KCNAB3: variants seen among roughly 807,000 people sequenced by gnomAD.
KCNAB3 encodes voltage-gated potassium channel subunit beta-3.
A neutral mutation model predicts 67.7 loss-of-function variants in KCNAB3; 62 were observed. The ratio of observed to expected loss-of-function variants is 0.92; its 90% CI spans 0.75 to 1.13. The LOEUF (loss-of-function observed/expected upper bound fraction) is 1.13. Ranked by LOEUF, KCNAB3 falls within the 50% of genes most tolerant of loss-of-function variation. The probability of loss-of-function intolerance (pLI) is 0.00; values close to 1 mark genes in which losing one functional copy is unlikely to be tolerated. For missense variants in KCNAB3, 514 were observed against 522.9 expected (o/e 0.98, Z 0.17); for synonymous variants, 212 against 205.4 (o/e 1.03, Z -0.27).
At position 7,925,103 on chromosome 17, in the gene KCNAB3, T is replaced by C. The variant is rs1567891775; in HGVS notation, c.619A>G (p.Met207Val). 3.1e-6 allele frequency: 5 copies of C among 1,610,220 alleles called. No individual in the cohort carries two copies. Among genetic ancestry groups the C allele is most frequent in the East Asian group, 2.2e-5 (1 of 44,656 alleles). ...FANRSDPNCPMEEIVRAMTYV... is the reference protein window; with the variant it reads ...FANRSDPNCPVEEIVRAMTYV... ...TTGGGGGTGCTGCTTTTACCCTCCA[T>C]AGGACAGTTGGGGTCTGAGCGATTG... is the stretch of plus-strand genomic sequence containing the variant. Residue 207 changes from methionine (M) to valine (V), a missense_variant, in exon 8 of 14, where the codon ATG (methionine) becomes GTG (valine). By Grantham distance (21) the Met-to-Val change is conservative. Transcript: ENST00000303790.
At chr17:7,924,918 A>G (rs531253134) in intron 8 of KCNAB3, 179 bp downstream of exon 8, 139 of 602,276 alleles carry the variant, frequency 2.3e-4, no homozygotes, top group African/African-American at 2.0e-3. Context: ...TAATTTTAAA[A>G]CATTTTTTGT....
At chr17:7,927,929 C>A in intron 1 of KCNAB3, 103 bp from the exon 2 acceptor site, 1 of 1,419,800 alleles carries the variant, frequency 7.0e-7, no homozygotes, top group South Asian at 1.2e-5. Flanking sequence ...CCTCAGGTGT[C>A]TCAGTCCAAA....
intron 8 of KCNAB3, 100 bp from the exon 9 acceptor site, chr17:7,924,600 T>C: frequency 6.8e-7 from 1 of 1,472,640 alleles, no homozygotes; most frequent in Non-Finnish European, 9.0e-7. Context: ...CCCAGGCAAC[T>C]CTATGGAGTC....
Position 7,929,107 on chromosome 17 carries a change from T to C in KCNAB3, c.242+87A>G, listed in dbSNP as rs760940901. 3.9e-6 allele frequency: 6 copies of C among 1,547,172 alleles called. No homozygotes were observed. The highest frequency in any genetic ancestry group is 1.7e-4 in the Middle Eastern group (1 of 5,736). Reference sequence around the variant, plus strand: ...AGAAGGGAGACCTACTTAGTGAAGTTTGAAGGGGTCTTGGCGGCCATCTCA... The same window carrying C: ...AGAAGGGAGACCTACTTAGTGAAGTCTGAAGGGGTCTTGGCGGCCATCTCA... On this transcript the variant is annotated intron_variant, in intron 1 of 13. Coordinates refer to ENST00000303790, the MANE Select transcript of KCNAB3 (RefSeq NM_004732.4). This position sits in a 1 kb window ranked among gnomAD's most constrained non-coding sequence, Gnocchi z 5.7.
In KCNAB3 at chr17:7,924,428, G is replaced by GC. The variant is rs745672481; in HGVS notation, c.697dup (p.Ala233GlyfsTer22). ...TCACACACTCACCATGATTTCTGCAGCCCCCCATCGGGATGTCCCCCAGTA... is the reference window on the plus strand; with the variant it reads ...TCACACACTCACCATGATTTCTGCAGCCCCCCCATCGGGATGTCCCCCAGTA... On this transcript the variant is annotated frameshift_variant, in exon 9 of 14. Transcript: ENST00000303790. LOFTEE classifies it high-confidence loss of function. 40 of 1,613,888 alleles carry GC rather than the reference G, an allele frequency of 2.5e-5. No homozygotes were observed. In the East Asian group the frequency reaches 2.9e-4, roughly 12 times the overall value.
Position 7,926,058 on chromosome 17 carries a change from C to A in KCNAB3, c.449+1G>T. ...CCAGCAACCCCCCAAAACAGTCTCA[C>A]CTCCAACCTTTGCTCTTGAGGATGT... On this transcript the variant is annotated splice_donor_variant, in intron 5 of 13. Coordinates refer to ENST00000303790, the MANE Select transcript of KCNAB3 (RefSeq NM_004732.4). LOFTEE classifies it high-confidence loss of function. 1 of 1,614,172 alleles carries A rather than the reference C, an allele frequency of 6.2e-7. No homozygotes were observed. The highest frequency in any genetic ancestry group is 8.5e-7 in the Non-Finnish European group (1 of 1,180,038).
intron 7 of KCNAB3, chr17:7,925,392 G>C: frequency 1.7e-6 from 1 of 594,838 alleles, no homozygotes; most frequent in Non-Finnish European, 3.0e-6. Flanking sequence ...AGCCAGGCGT[G>C]GTGGCGTGTG....
Position 7,929,062 on chromosome 17 carries a change from G to T in KCNAB3, c.242+132C>A. 1.5e-6 allele frequency: 2 copies of T among 1,359,118 alleles called. No individual in the cohort carries two copies. The highest frequency in any genetic ancestry group is 2.0e-6 in the Non-Finnish European group (2 of 1,009,720). 84.2% of individuals were successfully genotyped at this position (1,359,118 alleles called of 1,614,324 possible). On this transcript the variant is annotated intron_variant, in intron 1 of 13. Transcript: ENST00000303790. This position sits in a 1 kb window ranked among gnomAD's most constrained non-coding sequence, Gnocchi z 5.7. ...AGGGACAAAGTGAGGGAGTGCCAGA[G>T]ACAGAAAGAAGAGATGGAAAGAAGG... is the stretch of plus-strand genomic sequence containing the variant.
intron 2 of KCNAB3, 42 bp downstream of exon 2, chr17:7,927,741 T>C (rs751486714): frequency 1.2e-6 from 2 of 1,614,120 alleles, no homozygotes; most frequent in Non-Finnish European, 1.7e-6. Context: ...GGGCAGACCA[T>C]GAAAGAATGC....
intron 6 of KCNAB3, 52 bp downstream of exon 6, chr17:7,925,879 T>G: frequency 1.1e-6 from 1 of 924,594 alleles, no homozygotes; most frequent in Non-Finnish European, 1.7e-6. Flanking sequence ...CCATACACCT[T>G]CACACATTCT....
At chr17:7,925,553 A>G in intron 7 of KCNAB3, 130 bp downstream of exon 7, 1 of 803,390 alleles carries the variant, frequency 1.2e-6, no homozygotes, top group South Asian at 1.6e-5. Context: ...AAAAAAAAAG[A>G]ATTCAGACCT....
chr17:7,929,083 G>A lies in KCNAB3; in HGVS notation c.242+111C>T, dbSNP rs1972335328. On this transcript the variant is annotated intron_variant, in intron 1 of 13. Coordinates refer to ENST00000303790, the MANE Select transcript of KCNAB3 (RefSeq NM_004732.4). This position sits in a 1 kb window ranked among gnomAD's most constrained non-coding sequence, Gnocchi z 5.7. Reference sequence around the variant, plus strand: ...CAGAGACAGAAAGAAGAGATGGAAAGAAGGGAGACCTACTTAGTGAAGTTT... The same window carrying A: ...CAGAGACAGAAAGAAGAGATGGAAAAAAGGGAGACCTACTTAGTGAAGTTT... The A allele has an allele frequency of 6.8e-7, 1 of 1,467,858 alleles. No homozygotes were observed. Among genetic ancestry groups the A allele is most frequent in the South Asian group, 1.4e-5 (1 of 72,980 alleles). 90.9% of individuals were successfully genotyped at this position (1,467,858 alleles called of 1,614,324 possible). A position where few individuals can be genotyped will look rare whatever the true frequency, so the allele number is the denominator to read the frequency against.
Position 7,923,179 on chromosome 17 carries a change from C to T in KCNAB3, c.1138G>A (p.Val380Met). Reference sequence around the variant, plus strand: ...GTCTGCGGGGTCAGCTGGCTCAGCACCTGGAGGAGAGTGGGACGGTGGCGA... The same window carrying T: ...GTCTGCGGGGTCAGCTGGCTCAGCATCTGGAGGAGAGTGGGACGGTGGCGA... ...QLIEHLGALQVLSQLTPQTVM... is the reference protein window; with the variant it reads ...QLIEHLGALQMLSQLTPQTVM... The change falls in exon 14 of 14, where the codon GTG (valine) becomes ATG (methionine). Residue 380 changes from valine (V) to methionine (M), a missense_variant and splice_region_variant. Physicochemically the swap from Val to Met is conservative, Grantham distance 21. Transcript: ENST00000303790. The T allele has an allele frequency of 1.9e-6, 3 of 1,614,102 alleles. No individual in the cohort carries two copies. The highest frequency in any genetic ancestry group is 2.5e-6 in the Non-Finnish European group (3 of 1,179,962).
At position 7,924,439 on chromosome 17, in the gene KCNAB3, G is replaced by C. The variant is rs747865575; in HGVS notation, c.687C>G (p.Ser229=). 1 of 1,614,068 alleles carries C rather than the reference G, an allele frequency of 6.2e-7. No individual in the cohort carries two copies. Among genetic ancestry groups the C allele is most frequent in the South Asian group, 1.1e-5 (1 of 91,056 alleles). The part of the protein sequence containing the change: ...NQGLALYWGT[S]RWGAAEIMEA... ...CCATGATTTCTGCAGCCCCCCATCG[G>C]GATGTCCCCCAGTATAGGGCCAGGC... is the stretch of plus-strand genomic sequence containing the variant. Residue 229 remains serine, a synonymous_variant, in exon 9 of 14, where the codon TCC becomes TCG. Coordinates refer to ENST00000303790, the MANE Select transcript of KCNAB3 (RefSeq NM_004732.4).
Position 7,927,777 on chromosome 17 carries a change from A to AC in KCNAB3, c.286+5dup. ...CCTCCTTTCCTTAATCCCTATTCTG[A>AC]CTCACCTAGGCCAAGACAGGATACC... On this transcript the variant is annotated splice_donor_region_variant and intron_variant, in intron 2 of 13. Transcript: ENST00000303790. The AC allele has an allele frequency of 6.2e-7, 1 of 1,613,978 alleles. No homozygotes were observed. The highest frequency in any genetic ancestry group is 8.5e-7 in the Non-Finnish European group (1 of 1,179,978).
At chr17:7,925,576 A>G in intron 7 of KCNAB3, 107 bp downstream of exon 7, 1 of 1,004,988 alleles carries the variant, frequency 1.0e-6, no homozygotes, top group South Asian at 1.3e-5. Flanking sequence ...CCCCCTTGCC[A>G]TGGCCACCTA....
At chr17:7,925,402 G>C in intron 7 of KCNAB3, 1 of 595,316 alleles carries the variant, frequency 1.7e-6, no homozygotes, top group East Asian at 2.8e-5. Flanking sequence ...GGTGGCGTGT[G>C]CCTGTAATCC....
At chr17:7,927,290 TG>T in intron 4 of KCNAB3, 53 bp downstream of exon 4, 1 of 1,481,724 alleles carries the variant, frequency 6.7e-7, no homozygotes. Context: ...AGATAATCCC[TG>T]GGGTCCTCTC....
At position 7,923,464 on chromosome 17, in the gene KCNAB3, C is replaced by T. The variant is rs1313079300; in HGVS notation, c.1129G>A (p.Ala377Thr). Residue 377 changes from alanine to threonine, a missense_variant, in exon 13 of 14, where the codon GCG becomes ACG. By Grantham distance (58) the Ala-to-Thr change is moderately conservative. Coordinates refer to ENST00000303790, the MANE Select transcript of KCNAB3 (RefSeq NM_004732.4). ...SAEQLIEHLG[A>T]LQVLSQLTPQ... ...CTGAGTCCCCGGCTCACCTGTAGCGCGCCCAGGTGTTCTATCAACTGCTCC... is the reference window on the plus strand; with the variant it reads ...CTGAGTCCCCGGCTCACCTGTAGCGTGCCCAGGTGTTCTATCAACTGCTCC... 1.2e-6 allele frequency: 2 copies of T among 1,609,782 alleles called. No individual in the cohort carries two copies. Among genetic ancestry groups the T allele is most frequent in the Non-Finnish European group, 1.7e-6 (2 of 1,178,164 alleles).
Sources: allele counts gnomAD v4.1 joint callset, GRCh38; gene constraint gnomAD v4.1.1; non-coding constraint Gnocchi (gnomAD v3.1); transcripts MANE v1.5; gene names NCBI Gene and HGNC (gene_info 2026-07-23, HGNC 2026-07-21).